The following IGF1 variants were observed in gnomAD, a reference collection of about 807,000 sequenced individuals.
IGF1 encodes the protein insulin-like growth factor 1.
In IGF1, 4 loss-of-function variants were observed where a neutral mutation model predicts 13.8. The ratio of observed to expected loss-of-function variants is 0.29; its 90% CI spans 0.14 to 0.66. The LOEUF (loss-of-function observed/expected upper bound fraction) is 0.66. Ranked by LOEUF, IGF1 falls within the 30% of genes least tolerant of loss-of-function variation. IGF1 has a pLI of 0.78. For missense variants in IGF1, 124 were observed against 188.5 expected (o/e 0.66, Z 2.00); for synonymous variants, 76 against 72.6 (o/e 1.05, Z -0.23).
chr12:102,397,609 A>G lies in IGF1; in HGVS notation c.*4898T>C, dbSNP rs1006333433. ...AAATAGCAATAAGCAAATATGTACT[A>G]CAGGATTAAACACTAGCATTGAAAA... On this transcript the variant is annotated 3_prime_UTR_variant, in exon 4 of 4. Transcript: ENST00000337514. The G allele has an allele frequency of 2.0e-5, 3 of 152,232 alleles. No individual in the cohort carries two copies. Among genetic ancestry groups the G allele is most frequent in the Non-Finnish European group, 4.4e-5 (3 of 68,040 alleles). 9.4% of individuals were successfully genotyped at this position (152,232 alleles called of 1,614,324 possible).
At chr12:102,404,511 T>C (rs1488571136) in intron 3 of IGF1, among the ~76,000 whole-genome samples, 1 of 152,202 alleles carries the variant, frequency 6.6e-6, no homozygotes, top group Non-Finnish European at 1.5e-5. Flanking sequence ...CATCTTGTAC[T>C]GACTGAGTAG....
At chr12:102,412,891 G>T (rs1874768972) in intron 3 of IGF1, among the ~76,000 whole-genome samples, 1 of 152,116 alleles carries the variant, frequency 6.6e-6, no homozygotes, top group Non-Finnish European at 1.5e-5. Flanking sequence ...AAATGGGATG[G>T]CACTAAAGGC....
In IGF1 at chr12:102,414,197, CA is replaced by C. The variant is rs1035377188; in HGVS notation, c.402+5311del. ...CTCCTTGCACAGACACACACATGCA[CA>C]CACTACACTCACACACATACACACA... On this transcript the variant is annotated intron_variant, in intron 3 of 3. Transcript: ENST00000337514. 4.6e-5 allele frequency among the ~76,000 whole-genome samples: 7 copies of C among 152,040 alleles called. 1 individual carries two copies. The highest frequency in any genetic ancestry group is 3.3e-4 in the Admixed American group (5 of 15,262).
At chr12:102,464,208 A>G (rs1357146656) in intron 2 of IGF1, among the ~76,000 whole-genome samples, 1 of 151,980 alleles carries the variant, frequency 6.6e-6, no homozygotes, top group Non-Finnish European at 1.5e-5. Context: ...AGCCTTTGAA[A>G]ATTACCTGTT....
chr12:102,480,209 G>C (rs184173184), intron 1 of IGF1, 110 bp downstream of exon 1: 6 of 1,047,404 alleles, frequency 5.7e-6, no homozygotes, highest in Middle Eastern at 5.6e-4. Context: ...AATAACTCTC[G>C]GTTCCGAAAC....
chr12:102,471,546 A>G lies in IGF1; in HGVS notation c.220+4097T>C, dbSNP rs149414974. On this transcript the variant is annotated intron_variant, in intron 2 of 3. Coordinates refer to ENST00000337514, the MANE Select transcript of IGF1 (RefSeq NM_000618.5). ...GTAAAGTTTCACTTAAAGCTCTTAC[A>G]AAACAGTCTGTTTTAACCCATGAAG... Among the ~76,000 whole-genome samples the G allele has an allele frequency of 1.8e-3, 269 of 152,330 alleles. 1 individual carries two copies. Among genetic ancestry groups the G allele is most frequent in the African/African-American group, 6.0e-3 (250 of 41,584 alleles).
At chr12:102,441,915 C>CTTCTTTTT (rs1555244052) in intron 2 of IGF1, among the ~76,000 whole-genome samples, 1 of 122,140 alleles carries the variant, frequency 8.2e-6, no homozygotes, top group Non-Finnish European at 1.7e-5. Context: ...TGCTTCTTCT[C>CTTCTTTTT]CTTCTTCTTC....
At chr12:102,434,301 C>A (rs186537413) in intron 2 of IGF1, among the ~76,000 whole-genome samples, 1 of 113,644 alleles carries the variant, frequency 8.8e-6, no homozygotes, top group African/African-American at 3.4e-5. Context: ...CCTCCCCCCT[C>A]CCCCCACCCC....
chr12:102,432,647 C>A (rs904969432), intron 2 of IGF1, among the ~76,000 whole-genome samples: 12 of 152,100 alleles, frequency 7.9e-5, no homozygotes, highest in Non-Finnish European at 1.3e-4. Flanking sequence ...AGTGCAGTTT[C>A]CTTTGAAGGA....
intron 2 of IGF1, among the ~76,000 whole-genome samples, chr12:102,456,069 A>G (rs1879363487): frequency 6.6e-6 from 1 of 152,192 alleles, no homozygotes; most frequent in Admixed American, 6.5e-5. Context: ...CCATATGTAC[A>G]TGGTAATTTG....
intron 3 of IGF1, among the ~76,000 whole-genome samples, chr12:102,409,128 T>C (rs1874418152): frequency 6.6e-6 from 1 of 152,206 alleles, no homozygotes; most frequent in Non-Finnish European, 1.5e-5. Context: ...TACATCACAG[T>C]GGTGTTATAA....
chr12:102,444,582 A>G (rs1471321449), intron 2 of IGF1, among the ~76,000 whole-genome samples: 1 of 152,126 alleles, frequency 6.6e-6, no homozygotes, highest in Non-Finnish European at 1.5e-5. Flanking sequence ...TTAAATATTA[A>G]GAAAATATTA....
chr12:102,434,896 AG>A (rs1305874647), intron 2 of IGF1, among the ~76,000 whole-genome samples: 3 of 152,088 alleles, frequency 2.0e-5, no homozygotes, highest in Non-Finnish European at 2.9e-5. Context: ...TCTGATGGCC[AG>A]TGATGATGAG....
intron 2 of IGF1, among the ~76,000 whole-genome samples, chr12:102,469,763 G>A (rs1880572926): frequency 6.6e-6 from 1 of 152,044 alleles, no homozygotes; most frequent in Non-Finnish European, 1.5e-5. Context: ...ACCATTCAGT[G>A]GGGTAAGTTA....
At chr12:102,432,668 G>A (rs549787910) in intron 2 of IGF1, among the ~76,000 whole-genome samples, 12 of 152,238 alleles carry the variant, frequency 7.9e-5, no homozygotes, top group South Asian at 6.2e-4. Context: ...AACATGGGGC[G>A]TAACCAAGAC....
At chr12:102,478,223 C>G (rs1881188177) in intron 1 of IGF1, among the ~76,000 whole-genome samples, 1 of 150,394 alleles carries the variant, frequency 6.6e-6, no homozygotes, top group Non-Finnish European at 1.5e-5. Flanking sequence ...TTTCCTTGGC[C>G]TTTTATTTTG....
chr12:102,403,463 G>T (rs1332609873), intron 3 of IGF1, among the ~76,000 whole-genome samples: 4 of 141,908 alleles, frequency 2.8e-5, no homozygotes, highest in East Asian at 4.1e-4. Flanking sequence ...GATAGTGAGG[G>T]TTTTTTTTTT....
chr12:102,410,203 A>T (rs752818407), intron 3 of IGF1, among the ~76,000 whole-genome samples: 5 of 151,808 alleles, frequency 3.3e-5, no homozygotes, highest in African/African-American at 1.2e-4. Flanking sequence ...GGGAACAAAG[A>T]AAAAAAAATG....
chr12:102,480,275 T>G (rs1385463478), intron 1 of IGF1, 44 bp downstream of exon 1: 4 of 1,572,794 alleles, frequency 2.5e-6, no homozygotes, highest in African/African-American at 1.4e-5. Context: ...GTACACAATT[T>G]AAATAGAATT....
Sources: allele counts gnomAD v4.1 joint callset (sites outside exome capture counted in the v4.1 genomes callset), GRCh38; gene constraint gnomAD v4.1.1; transcripts MANE v1.5; gene names NCBI Gene and HGNC (gene_info 2026-07-23, HGNC 2026-07-21).